FARP1: variants seen among roughly 807,000 people sequenced by gnomAD.
FARP1 encodes the protein FERM, ARHGEF and pleckstrin domain-containing protein 1.
A neutral mutation model predicts 128.8 loss-of-function variants in FARP1; 52 were observed. That is an observed-to-expected ratio of 0.40 (90% CI 0.32 to 0.51). The LOEUF (loss-of-function observed/expected upper bound fraction) is 0.51. Ranked by LOEUF, FARP1 falls within the 20% of genes least tolerant of loss-of-function variation. FARP1 has a pLI of 0.45. For missense variants in FARP1, 1,333 were observed against 1,367.9 expected (o/e 0.97, Z 0.40); for synonymous variants, 580 against 551.8 (o/e 1.05, Z -0.72).
intron 2 of FARP1, chr13:98,333,296 G>A (rs1423338124): frequency 1.3e-5 from 2 of 151,970 alleles, no homozygotes; most frequent in Non-Finnish European, 2.9e-5. Context: ...TTCTAAAAGG[G>A]TGAAAAGATA....
chr13:98,317,533 T>C (rs1013189519), intron 2 of FARP1, among the ~76,000 whole-genome samples: 2 of 152,236 alleles, frequency 1.3e-5, no homozygotes, highest in African/African-American at 4.8e-5. Flanking sequence ...CCCTTCCTTA[T>C]AGTCCAAGAC....
intron 2 of FARP1, among the ~76,000 whole-genome samples, chr13:98,336,060 C>G (rs899410959): frequency 6.6e-6 from 1 of 152,122 alleles, no homozygotes; most frequent in Non-Finnish European, 1.5e-5. Flanking sequence ...TACTTTAGCT[C>G]TCTCAGGTAG....
chr13:98,172,905 G>T (rs1054350344), intron 1 of FARP1, among the ~76,000 whole-genome samples: 10 of 152,268 alleles, frequency 6.6e-5, no homozygotes, highest in Admixed American at 6.5e-4. Flanking sequence ...GTACTGCACT[G>T]GCAACAACCC....
intron 2 of FARP1, among the ~76,000 whole-genome samples, chr13:98,287,973 T>C (rs1043853233): frequency 1.3e-5 from 2 of 152,042 alleles, no homozygotes; most frequent in African/African-American, 4.8e-5. Context: ...GGCTAATTTT[T>C]GTAATTTTAG....
Position 98,424,405 on chromosome 13 carries a change from AT to A in FARP1, c.1827-164del, listed in dbSNP as rs1180916668. ...AATTCTTTGCAGGATGAGTGGGGTAATTTCCAAGTCTCCTTCCAACGATAAC... is the reference window on the plus strand; with the variant it reads ...AATTCTTTGCAGGATGAGTGGGGTAATTCCAAGTCTCCTTCCAACGATAAC... On this transcript the variant is annotated intron_variant, in intron 16 of 26. Transcript: ENST00000319562. Among the ~76,000 whole-genome samples, 3 of 152,240 alleles carry A rather than the reference AT, an allele frequency of 2.0e-5. No individual in the cohort carries two copies. In the East Asian group the frequency reaches 5.8e-4, roughly 29 times the overall value.
intron 13 of FARP1, chr13:98,404,481 G>T (rs1890901947): frequency 6.6e-6 from 1 of 152,174 alleles, no homozygotes; most frequent in African/African-American, 2.4e-5. Context: ...GCATAATACT[G>T]CCCTTTTTTT....
At chr13:98,247,794 C>T (rs1469220040) in intron 2 of FARP1, among the ~76,000 whole-genome samples, 1 of 152,142 alleles carries the variant, frequency 6.6e-6, no homozygotes, top group Non-Finnish European at 1.5e-5. Context: ...AAACAGAGAA[C>T]AGGGGCAAGA....
intron 14 of FARP1, 52 bp from the exon 15 acceptor site, chr13:98,410,682 C>A: frequency 2.3e-6 from 2 of 857,440 alleles, no homozygotes; most frequent in Non-Finnish European, 3.9e-6. Context: ...TTCTCCGAGA[C>A]GCATACTCAA....
chr13:98,143,866 T>G (rs1875283607), intron 1 of FARP1, among the ~76,000 whole-genome samples: 1 of 151,614 alleles, frequency 6.6e-6, no homozygotes, highest in African/African-American at 2.4e-5. Context: ...TGGACGCCGC[T>G]TCCGGACCTC....
intron 1 of FARP1, among the ~76,000 whole-genome samples, chr13:98,210,003 A>C (rs544941282): frequency 6.0e-5 from 9 of 149,552 alleles, no homozygotes; most frequent in Admixed American, 2.6e-4. Flanking sequence ...TAATAATCAT[A>C]ATAATAATAG....
At chr13:98,174,613 C>A (rs1877868047) in intron 1 of FARP1, among the ~76,000 whole-genome samples, 1 of 152,134 alleles carries the variant, frequency 6.6e-6, no homozygotes, top group African/African-American at 2.4e-5. Context: ...TTGGCAAGGA[C>A]AATTCTTAGA....
intron 2 of FARP1, among the ~76,000 whole-genome samples, chr13:98,237,901 G>A (rs1230937646): frequency 2.0e-5 from 3 of 152,084 alleles, no homozygotes; most frequent in Non-Finnish European, 4.4e-5. Context: ...AAAACCTTGT[G>A]CTTTTTGCGA....
intron 16 of FARP1, among the ~76,000 whole-genome samples, chr13:98,423,188 T>G (rs1332629869): frequency 6.6e-6 from 1 of 152,128 alleles, no homozygotes; most frequent in African/African-American, 2.4e-5. Context: ...TGAGGGTGGG[T>G]CTGCCTTTCC....
intron 12 of FARP1, among the ~76,000 whole-genome samples, chr13:98,393,924 G>A (rs934448782): frequency 1.3e-5 from 2 of 152,182 alleles, no homozygotes; most frequent in African/African-American, 4.8e-5. Flanking sequence ...CGTGGAGTGT[G>A]TTGTGTTTTC....
Position 98,424,647 on chromosome 13 carries a change from G to T in FARP1, c.1902G>T (p.Met634Ile). 1 of 1,609,956 alleles carries T rather than the reference G, an allele frequency of 6.2e-7. No homozygotes were observed. ...TCATGCTGAAGAACATTCAGGGCAT[G>T]AAGGTGAGCTGGTTGAGATTTGGGT... ...GDVMLKNIQG[M>I]KHLAAHLWKH... The change falls in exon 17 of 27, where the codon ATG (methionine) becomes ATT (isoleucine). Residue 634 changes from methionine (M) to isoleucine (I), a missense_variant. Physicochemically the swap from Met to Ile is conservative, Grantham distance 10 (BLOSUM62 1). Around this residue, in one of 2 missense-constraint regions of FARP1, gnomAD observed 1,009 missense variants for 969.8 expected, o/e 1.04. Coordinates refer to ENST00000319562, the MANE Select transcript of FARP1 (RefSeq NM_005766.4).
Position 98,176,958 on chromosome 13 carries a change from C to T in FARP1, c.-24+33466C>T. The T allele has an allele frequency of 6.2e-7, 1 of 1,601,536 alleles. No individual in the cohort carries two copies. On this transcript the variant is annotated intron_variant, in intron 1 of 26. Coordinates refer to ENST00000319562, the MANE Select transcript of FARP1 (RefSeq NM_005766.4). This position sits in a 1 kb window ranked among gnomAD's most constrained non-coding sequence, Gnocchi z 6.2. ...GCTTCGCCGAGCGGGTGGACCTGTA[C>T]ACCACGTCGAGGCTCTCAGGCGCCG...
At chr13:98,278,161 A>C (rs1275023685) in intron 2 of FARP1, among the ~76,000 whole-genome samples, 2 of 143,156 alleles carry the variant, frequency 1.4e-5, no homozygotes, top group Admixed American at 7.2e-5. Context: ...GGGTGTGTGT[A>C]TGAGTGAGTG....
At chr13:98,391,437 C>T (rs1417894421) in intron 11 of FARP1, among the ~76,000 whole-genome samples, 1 of 152,108 alleles carries the variant, frequency 6.6e-6, no homozygotes, top group East Asian at 1.9e-4. Context: ...CACCACCACT[C>T]CCAGCTAAAT....
At chr13:98,308,244 C>A (rs1854635764) in intron 2 of FARP1, among the ~76,000 whole-genome samples, 1 of 152,070 alleles carries the variant, frequency 6.6e-6, no homozygotes, top group South Asian at 2.1e-4. Context: ...TGATAACTGT[C>A]CTATCTGTGT....
Sources: allele counts gnomAD v4.1 joint callset (sites outside exome capture counted in the v4.1 genomes callset), GRCh38; gene constraint gnomAD v4.1.1; regional missense constraint gnomAD v4.1.1; non-coding constraint Gnocchi (gnomAD v3.1); transcripts MANE v1.5; gene names NCBI Gene and HGNC (gene_info 2026-07-23, HGNC 2026-07-21).